The following SCHIP1 variants were observed in gnomAD, a reference collection of about 807,000 sequenced individuals.
SCHIP1 encodes schwannomin-interacting protein 1.
A neutral mutation model predicts 29.7 loss-of-function variants in SCHIP1; 8 were observed. That is an observed-to-expected ratio of 0.27 (90% CI 0.16 to 0.49). SCHIP1 has a LOEUF of 0.49. SCHIP1 is among the 20% of genes least tolerant of loss of function. The pLI, the probability that SCHIP1 is intolerant of heterozygous loss-of-function variation, is 0.99. For missense variants in SCHIP1, 193 were observed against 294.6 expected (o/e 0.66, Z 2.52); for synonymous variants, 76 against 94.9 (o/e 0.80, Z 1.16).
At chr3:159,409,932 G>A in the SCHIP1 span, among the ~76,000 whole-genome samples, 15 of 152,194 alleles carry the variant, frequency 9.9e-5, no homozygotes, top group Admixed American at 5.2e-4. Context: ...CAGACACACA[G>A]ACCAATGGAA....
At chr3:159,808,457 C>A in the SCHIP1 span, 1 of 152,230 alleles carries the variant, frequency 6.6e-6, no homozygotes, top group Non-Finnish European at 1.5e-5. Context: ...GATGGGGCTT[C>A]CCAGAAAGAT....
chr3:159,594,157 A>T, the SCHIP1 span, among the ~76,000 whole-genome samples: 1 of 152,218 alleles, frequency 6.6e-6, no homozygotes, highest in Non-Finnish European at 1.5e-5. Context: ...GTATGGCTAG[A>T]TCAATTCACT....
intron 4 of SCHIP1, chr3:159,888,290 G>A (rs1717154213): frequency 4.2e-6 from 1 of 238,580 alleles, no homozygotes; most frequent in African/African-American, 2.3e-5. Context: ...GTGAATAGGA[G>A]TCCTGGACTT....
chr3:159,877,514 C>T (rs1228586440), intron 2 of SCHIP1, among the ~76,000 whole-genome samples: 1 of 152,114 alleles, frequency 6.6e-6, no homozygotes. Context: ...TACCATGGAA[C>T]CAAGCCTAAA....
At chr3:159,603,754 G>C in the SCHIP1 span, among the ~76,000 whole-genome samples, 3 of 152,032 alleles carry the variant, frequency 2.0e-5, no homozygotes, top group Non-Finnish European at 4.4e-5. Flanking sequence ...CCTAGGATTG[G>C]GTAATTTATA....
At chr3:159,744,967 G>C in the SCHIP1 span, among the ~76,000 whole-genome samples, 1 of 146,210 alleles carries the variant, frequency 6.8e-6, no homozygotes. Flanking sequence ...GGGCGACAGA[G>C]CAAGACTCCG....
the SCHIP1 span, among the ~76,000 whole-genome samples, chr3:159,636,557 T>A: frequency 6.6e-6 from 1 of 152,206 alleles, no homozygotes; most frequent in Non-Finnish European, 1.5e-5. Context: ...TGTAAAGGAA[T>A]GTGATTTTTA....
At chr3:159,786,734 T>C in the SCHIP1 span, among the ~76,000 whole-genome samples, 8 of 151,586 alleles carry the variant, frequency 5.3e-5, no homozygotes, top group African/African-American at 1.9e-4. Flanking sequence ...GTGTGTGTTT[T>C]GTGGTGTGAT....
the SCHIP1 span, among the ~76,000 whole-genome samples, chr3:159,338,112 C>A: frequency 1.3e-5 from 2 of 152,076 alleles, no homozygotes; most frequent in African/African-American, 2.4e-5. Flanking sequence ...GCTGGGGATA[C>A]GGCAGTGAAC....
At chr3:159,762,734 T>A in the SCHIP1 span, among the ~76,000 whole-genome samples, 9,566 of 152,276 alleles carry the variant, frequency 0.063, 361 homozygotes, top group South Asian at 0.2. Flanking sequence ...TTTTTCCAAG[T>A]GTTGGTATTT....
chr3:159,393,203 C>T, the SCHIP1 span, among the ~76,000 whole-genome samples: 1 of 152,024 alleles, frequency 6.6e-6, no homozygotes, highest in African/African-American at 2.4e-5. Flanking sequence ...ATTGTAGATT[C>T]TGGATATTAG....
the SCHIP1 span, among the ~76,000 whole-genome samples, chr3:159,457,039 A>G: frequency 3.3e-5 from 5 of 152,292 alleles, no homozygotes; most frequent in South Asian, 1.0e-3. Flanking sequence ...TTTTTGTACT[A>G]TAAGAATTTT....
chr3:159,798,471 A>G, the SCHIP1 span, among the ~76,000 whole-genome samples: 1 of 152,118 alleles, frequency 6.6e-6, no homozygotes, highest in Non-Finnish European at 1.5e-5. Context: ...ATAACAGCCA[A>G]ACAAGGCCAG....
the SCHIP1 span, among the ~76,000 whole-genome samples, chr3:159,569,327 A>G: frequency 1.3e-5 from 2 of 152,002 alleles, no homozygotes; most frequent in Admixed American, 6.5e-5. Context: ...AGCCCCCCAC[A>G]CACCAACAGG....
chr3:159,867,926 G>A (rs978400148), intron 2 of SCHIP1, among the ~76,000 whole-genome samples: 3 of 144,082 alleles, frequency 2.1e-5, no homozygotes, highest in African/African-American at 7.5e-5. Flanking sequence ...GTTCAGCAAT[G>A]TCATATCCAT....
At chr3:159,339,030 C>G in the SCHIP1 span, among the ~76,000 whole-genome samples, 14 of 152,042 alleles carry the variant, frequency 9.2e-5, no homozygotes, top group African/African-American at 3.4e-4. Context: ...GGACATTTCT[C>G]CTAACATTTT....
chr3:159,830,701 T>C, the SCHIP1 span, among the ~76,000 whole-genome samples: 2 of 152,228 alleles, frequency 1.3e-5, no homozygotes, highest in African/African-American at 4.8e-5. Context: ...GGGGCTCTGT[T>C]CCACATCTAT....
At chr3:159,447,417 G>A in the SCHIP1 span, among the ~76,000 whole-genome samples, 1 of 152,102 alleles carries the variant, frequency 6.6e-6, no homozygotes. Context: ...TGGACACTGT[G>A]GGGAACTAGA....
chr3:159,297,508 G>T, the SCHIP1 span, among the ~76,000 whole-genome samples: 1 of 152,074 alleles, frequency 6.6e-6, no homozygotes. Flanking sequence ...CAATAGAGCT[G>T]GGACCAGAAT....
Sources: allele counts gnomAD v4.1 joint callset (sites outside exome capture counted in the v4.1 genomes callset), GRCh38; gene constraint gnomAD v4.1.1; transcripts MANE v1.5; gene names NCBI Gene and HGNC (gene_info 2026-07-23, HGNC 2026-07-21).